The following NAALADL2 variants were observed in gnomAD, a reference collection of about 807,000 sequenced individuals.
The protein encoded by NAALADL2 is inactive N-acetylated-alpha-linked acidic dipeptidase-like protein 2.
In NAALADL2, 76 loss-of-function variants were observed where a neutral mutation model predicts 87.2. The ratio of observed to expected loss-of-function variants is 0.87; its 90% confidence interval spans 0.72 to 1.05. The LOEUF (loss-of-function observed/expected upper bound fraction) is 1.05, where lower values mean the gene tolerates loss of function less well. Among genes scored for constraint, NAALADL2 ranks in the 50% least tolerant of loss-of-function variants. The pLI is 0.00. For missense variants in NAALADL2, 1,089 were observed against 945.8 expected (o/e 1.15, Z -1.99); for synonymous variants, 354 against 331.0 (o/e 1.07, Z -0.75).
At chr3:175,450,793 T>A (rs1467036536) in intron 6 of NAALADL2, among the ~76,000 whole-genome samples, 3 of 152,154 alleles carry the variant, frequency 2.0e-5, no homozygotes, top group Non-Finnish European at 4.4e-5. Flanking sequence ...GGCAAATGGA[T>A]GTTGAGAAAG....
At position 175,743,766 on chromosome 3, in the gene NAALADL2, G is replaced by A. The variant is rs184511744; in HGVS notation, c.1990+6367G>A. ...AGGTGGTAGTCAGCAAGTTGGATTCGTGAAAACGAGATCATAGAAAGAGTG... is the reference window on the plus strand; with the variant it reads ...AGGTGGTAGTCAGCAAGTTGGATTCATGAAAACGAGATCATAGAAAGAGTG... On this transcript the variant is annotated intron_variant, in intron 12 of 13. Transcript: ENST00000454872. Among the ~76,000 whole-genome samples, 119 of 152,304 alleles carry A rather than the reference G, an allele frequency of 7.8e-4. 1 individual carries two copies. In the South Asian group the frequency reaches 0.01, roughly 13 times the overall value.
chr3:174,454,297 A>T (rs1170976885), intron 1 of NAALADL2, among the ~76,000 whole-genome samples: 2 of 152,142 alleles, frequency 1.3e-5, no homozygotes, highest in African/African-American at 4.8e-5. Context: ...ATAAGGGGAG[A>T]CATCAACATC....
At chr3:174,723,695 G>A (rs544838455) in intron 2 of NAALADL2, among the ~76,000 whole-genome samples, 2 of 138,196 alleles carry the variant, frequency 1.4e-5, no homozygotes, top group South Asian at 2.4e-4. Flanking sequence ...GGCGGAGCTC[G>A]CAGTGAGCAG....
At chr3:175,485,062 G>T (rs1402527028) in intron 9 of NAALADL2, among the ~76,000 whole-genome samples, 2 of 152,134 alleles carry the variant, frequency 1.3e-5, no homozygotes, top group African/African-American at 4.8e-5. Context: ...AGTGATCCTG[G>T]TTTAACAATG....
At chr3:175,665,935 C>G (rs578046690) in intron 11 of NAALADL2, among the ~76,000 whole-genome samples, 36 of 151,096 alleles carry the variant, frequency 2.4e-4, no homozygotes, top group South Asian at 8.3e-4. Flanking sequence ...GTCCCCCCCC[C>G]AAAAAAAAGG....
At chr3:174,991,029 C>T (rs2108712183) in intron 1 of NAALADL2, among the ~76,000 whole-genome samples, 1 of 152,118 alleles carries the variant, frequency 6.6e-6, no homozygotes, top group Non-Finnish European at 1.5e-5. Context: ...TACGTAAATA[C>T]CACTTTCTAT....
At chr3:174,618,933 T>C (rs1252264770) in intron 2 of NAALADL2, among the ~76,000 whole-genome samples, 1 of 151,932 alleles carries the variant, frequency 6.6e-6, no homozygotes, top group African/African-American at 2.4e-5. Flanking sequence ...CAAAGGATAT[T>C]TGAGGCTAAA....
intron 2 of NAALADL2, among the ~76,000 whole-genome samples, chr3:174,641,522 C>A (rs1290931585): frequency 1.3e-5 from 2 of 152,130 alleles, no homozygotes; most frequent in Non-Finnish European, 2.9e-5. Context: ...ACCGTGTTAA[C>A]GATGCCCTCA....
intron 1 of NAALADL2, among the ~76,000 whole-genome samples, chr3:174,535,622 A>G (rs1461213412): frequency 3.3e-5 from 5 of 152,152 alleles, no homozygotes; most frequent in Admixed American, 2.6e-4. Flanking sequence ...TAAAGTAAAT[A>G]TTACTTTACA....
chr3:175,067,693 A>G (rs1335173989), intron 1 of NAALADL2, among the ~76,000 whole-genome samples: 2 of 148,202 alleles, frequency 1.3e-5, no homozygotes, highest in Admixed American at 6.6e-5. Context: ...AGATGCCTCA[A>G]AGAACTAAAA....
intron 2 of NAALADL2, among the ~76,000 whole-genome samples, chr3:174,648,896 G>T (rs1167698707): frequency 6.6e-6 from 1 of 152,066 alleles, no homozygotes; most frequent in Admixed American, 6.5e-5. Flanking sequence ...GAGAGAGGTT[G>T]GTTTTATATC....
chr3:175,275,919 A>C (rs1190893981), intron 4 of NAALADL2, among the ~76,000 whole-genome samples: 1 of 151,440 alleles, frequency 6.6e-6, no homozygotes, highest in Non-Finnish European at 1.5e-5. Context: ...TCTAAAATTC[A>C]TGACCGTAAC....
intron 3 of NAALADL2, among the ~76,000 whole-genome samples, chr3:175,240,958 G>T (rs180723336): frequency 1.3e-3 from 199 of 152,242 alleles, no homozygotes; most frequent in African/African-American, 4.2e-3. Context: ...ACTGTGCCAG[G>T]CCCAGGTTTG....
chr3:175,734,389 C>CAAA (rs1487762704), intron 11 of NAALADL2, among the ~76,000 whole-genome samples: 253 of 152,080 alleles, frequency 1.7e-3, no homozygotes, highest in African/African-American at 5.8e-3. Flanking sequence ...CCCATCTCTA[C>CAAA]TAAAAATACA....
At chr3:175,135,243 G>C (rs1055465256) in intron 2 of NAALADL2, among the ~76,000 whole-genome samples, 1 of 152,120 alleles carries the variant, frequency 6.6e-6, no homozygotes, top group Non-Finnish European at 1.5e-5. Context: ...AATTCTAATA[G>C]AGCATCATAA....
chr3:175,271,609 T>C (rs1351302685), intron 4 of NAALADL2, among the ~76,000 whole-genome samples: 1 of 152,102 alleles, frequency 6.6e-6, no homozygotes, highest in African/African-American at 2.4e-5. Context: ...CTGGCCAAGA[T>C]GGTGAAACCC....
chr3:175,632,780 A>C (rs1448929144), intron 11 of NAALADL2, among the ~76,000 whole-genome samples: 1 of 152,140 alleles, frequency 6.6e-6, no homozygotes, highest in African/African-American at 2.4e-5. Context: ...CTAGTCAGAT[A>C]CATCAAGGAG....
At chr3:174,840,054 A>G (rs1309950549) in intron 3 of NAALADL2, among the ~76,000 whole-genome samples, 2 of 152,002 alleles carry the variant, frequency 1.3e-5, no homozygotes, top group Non-Finnish European at 2.9e-5. Flanking sequence ...TTGCACATGC[A>G]TTTATATAGC....
At chr3:175,221,770 T>TTTA (rs1426262212) in intron 2 of NAALADL2, among the ~76,000 whole-genome samples, 3 of 151,564 alleles carry the variant, frequency 2.0e-5, no homozygotes, top group Non-Finnish European at 4.4e-5. Flanking sequence ...TATTTATTTA[T>TTTA]TTATTTATTT....
Sources: gnomAD v4.1 joint callset for allele counts (sites outside exome capture counted in the v4.1 genomes callset) on GRCh38, gnomAD v4.1.1 for gene constraint, MANE v1.5 for transcripts, NCBI Gene and HGNC (gene_info 2026-07-23, HGNC 2026-07-21) for gene names.